SNX30: variants seen among roughly 807,000 people sequenced by gnomAD.
SNX30 encodes the protein sorting nexin-30.
In SNX30, 24 loss-of-function variants were observed where a neutral mutation model predicts 46.4. The ratio of observed to expected loss-of-function variants is 0.52; its 90% CI spans 0.37 to 0.73. The LOEUF (loss-of-function observed/expected upper bound fraction) is 0.73. Among genes scored for constraint, SNX30 ranks in the 30% least tolerant of loss-of-function variants. The pLI is 0.00. For missense variants in SNX30, 533 were observed against 555.7 expected, an observed-to-expected ratio of 0.96 and a Z score of 0.41; for synonymous variants, 189 against 211.5, an observed-to-expected ratio of 0.89 and a Z score of 0.92.
At chr9:112,821,721 C>T (rs547899938) in intron 3 of SNX30, among the ~76,000 whole-genome samples, 2 of 152,000 alleles carry the variant, frequency 1.3e-5, no homozygotes, top group African/African-American at 2.4e-5. Context: ...CTCCTGACCT[C>T]GTGTTCCGCC....
rs1841491863 is a variant in SNX30 at position 112,874,442 on chromosome 9, G to A, written c.*5599G>A. ...AACTTGTATTTTAACTGTTAAAGAAGAGATTAAAAACTTCGGCTTTGGACA... is the reference window on the plus strand; with the variant it reads ...AACTTGTATTTTAACTGTTAAAGAAAAGATTAAAAACTTCGGCTTTGGACA... On this transcript the variant is annotated 3_prime_UTR_variant, in exon 9 of 9. Coordinates refer to ENST00000374232, the MANE Select transcript of SNX30 (RefSeq NM_001012994.2). The A allele has an allele frequency of 1.3e-5, 2 of 152,220 alleles. No individual in the cohort carries two copies. The highest frequency in any genetic ancestry group is 1.3e-4 in the Admixed American group (2 of 15,280). 9.4% of individuals were successfully genotyped at this position (152,220 alleles called of 1,614,324 possible).
At chr9:112,782,176 C>T (rs549453562) in intron 1 of SNX30, among the ~76,000 whole-genome samples, 6 of 152,230 alleles carry the variant, frequency 3.9e-5, no homozygotes, top group Non-Finnish European at 8.8e-5. Context: ...AAGAGATTCT[C>T]CTGCCTCAGC....
chr9:112,849,577 A>G, intron 6 of SNX30, among the ~76,000 whole-genome samples: 1 of 152,370 alleles, frequency 6.6e-6, no homozygotes, highest in East Asian at 1.9e-4. Context: ...CAATTGACGA[A>G]AAATTATTGC....
rs867478626 is a variant in SNX30 at position 112,868,919 on chromosome 9, A to G, written c.*76A>G. The G allele has an allele frequency of 3.5e-6, 5 of 1,409,646 alleles. No individual in the cohort carries two copies. The highest frequency in any genetic ancestry group is 5.0e-6 in the Non-Finnish European group (5 of 994,920). The allele number at this position is 1,409,646 out of a possible 1,614,324, so 87.3% of individuals were successfully genotyped here. A position where few individuals can be genotyped will look rare whatever the true frequency, so the allele number is the denominator to read the frequency against. On this transcript the variant is annotated 3_prime_UTR_variant, in exon 9 of 9. Coordinates refer to ENST00000374232, the MANE Select transcript of SNX30 (RefSeq NM_001012994.2). ...TATACCGGAATGTCCCTGCAGTGCC[A>G]GAGACGCAGTGCTGGGAAAACAACC...
intron 5 of SNX30, among the ~76,000 whole-genome samples, chr9:112,836,812 G>A (rs904405814): frequency 6.6e-6 from 1 of 152,210 alleles, no homozygotes; most frequent in Non-Finnish European, 1.5e-5. Flanking sequence ...GGAGACCTGT[G>A]TTTGCCAAAG....
At chr9:112,865,250 CCA>C (rs1423481223) in intron 8 of SNX30, among the ~76,000 whole-genome samples, 1 of 151,270 alleles carries the variant, frequency 6.6e-6, no homozygotes, top group African/African-American at 2.4e-5. Context: ...CATACACACA[CCA>C]CACACACATA....
chr9:112,881,449 G>C (rs1841576139), exon 6 of SNX30: 1 of 152,322 alleles, frequency 6.6e-6, no homozygotes, highest in African/African-American at 2.4e-5. Context: ...GGAGAGTGAA[G>C]ACTTGGAAGC....
chr9:112,877,524 G>A (rs1841532438), downstream of SNX30: 1 of 152,682 alleles, frequency 6.5e-6, no homozygotes, highest in African/African-American at 2.4e-5. Context: ...AGACTCTTGG[G>A]GTTGGAGGGG....
intron 6 of SNX30, among the ~76,000 whole-genome samples, chr9:112,847,127 CTG>C (rs1203597559): frequency 6.6e-6 from 1 of 152,184 alleles, no homozygotes; most frequent in South Asian, 2.1e-4. Flanking sequence ...CTCTTAATGA[CTG>C]TTATTAATTT....
rs1204974666 is a variant in SNX30, at chr9:112,751,023, G to A, written c.22G>A (p.Ala8Thr). The change falls in exon 1 of 9, where the codon GCC (alanine) becomes ACC (threonine). Residue 8 changes from alanine (A) to threonine (T), a missense_variant. Ala to Thr is a moderately conservative substitution (Grantham distance 58). Around this residue, in one of 3 missense-constraint regions of SNX30, gnomAD observed 191 missense variants for 160.3 expected, o/e 1.19. Transcript: ENST00000374232. Reference protein sequence around the residue: MAGGPPKALPSTGPHSLR... With the variant: MAGGPPKTLPSTGPHSLR... ...CGCCATGGCGGGCGGGCCCCCCAAG[G>A]CCCTGCCGTCCACGGGGCCCCACTC... 1.3e-5 allele frequency: 18 copies of A among 1,423,084 alleles called. No individual in the cohort carries two copies. The highest frequency in any genetic ancestry group is 1.7e-5 in the Non-Finnish European group (18 of 1,087,684). The allele number at this position is 1,423,084 out of a possible 1,614,324, so 88.2% of individuals were successfully genotyped here.
At chr9:112,847,836 A>G (rs187320097) in intron 6 of SNX30, among the ~76,000 whole-genome samples, 5 of 152,322 alleles carry the variant, frequency 3.3e-5, no homozygotes, top group East Asian at 1.9e-4. Context: ...CACCCTATGT[A>G]TGATTTTGCC....
In SNX30 at chr9:112,822,536, G is replaced by GTTTTT. The variant is rs139781990; in HGVS notation, c.459+4725_459+4726insTTTTT. On this transcript the variant is annotated intron_variant, in intron 3 of 8. Coordinates refer to ENST00000374232, the MANE Select transcript of SNX30 (RefSeq NM_001012994.2). ...TTTTCTTTTGTCCCTTTGCTGTTTT[G>GTTTTT]TTTTGTTTTTTTTTTTTGTAAGAAC... Among the ~76,000 whole-genome samples, 397 of 123,652 alleles carry GTTTTT rather than the reference G, an allele frequency of 3.2e-3. 65 individuals carry two copies. Among genetic ancestry groups the GTTTTT allele is most frequent in the Middle Eastern group, 9.4e-3 (2 of 212 alleles). The allele number at this position is 123,652 out of a possible 152,430, so 81.1% of individuals were successfully genotyped here. A position where few individuals can be genotyped will look rare whatever the true frequency, so the allele number is the denominator to read the frequency against.
chr9:112,763,776 G>A (rs1192158372), intron 1 of SNX30, among the ~76,000 whole-genome samples: 1 of 151,700 alleles, frequency 6.6e-6, no homozygotes, highest in African/African-American at 2.4e-5. Flanking sequence ...TTGAACCAGG[G>A]AGTTGGAGAT....
chr9:112,818,742 G>T (rs1840444460), intron 3 of SNX30, among the ~76,000 whole-genome samples: 1 of 152,198 alleles, frequency 6.6e-6, no homozygotes, highest in African/African-American at 2.4e-5. Context: ...GCATCTCCCA[G>T]CCTTTTTCCC....
At chr9:112,772,890 A>G (rs1473790219) in intron 1 of SNX30, among the ~76,000 whole-genome samples, 1 of 152,240 alleles carries the variant, frequency 6.6e-6, no homozygotes, top group Non-Finnish European at 1.5e-5. Flanking sequence ...GGCTACTTGA[A>G]AAGTCTTGCT....
intron 1 of SNX30, among the ~76,000 whole-genome samples, chr9:112,786,865 C>G (rs1839937994): frequency 1.3e-5 from 2 of 152,142 alleles, no homozygotes; most frequent in African/African-American, 4.8e-5. Context: ...TGTGAAACTC[C>G]TTTGAGCCAT....
chr9:112,817,400 G>GTTTTTTTTTTT (rs1256963697), intron 2 of SNX30, among the ~76,000 whole-genome samples: 4 of 34,388 alleles, frequency 1.2e-4, no homozygotes, highest in East Asian at 1.7e-3. Context: ...AAAAAAACTG[G>GTTTTTTTTTTT]CTTTTTTTTT....
chr9:112,757,874 G>T (rs770184687), intron 1 of SNX30, among the ~76,000 whole-genome samples: 2 of 152,026 alleles, frequency 1.3e-5, no homozygotes, highest in African/African-American at 4.8e-5. Context: ...CTACAACCAG[G>T]GTTCTCAGGA....
At chr9:112,756,326 A>G (rs182356005) in intron 1 of SNX30, among the ~76,000 whole-genome samples, 45 of 151,092 alleles carry the variant, frequency 3.0e-4, no homozygotes, top group African/African-American at 1.0e-3. Context: ...ACCCCAACTT[A>G]CTGTCTTCTG....
Sources: allele counts gnomAD v4.1 joint callset (sites outside exome capture counted in the v4.1 genomes callset), GRCh38; gene constraint gnomAD v4.1.1; regional missense constraint gnomAD v4.1.1; transcripts MANE v1.5; gene names NCBI Gene and HGNC (gene_info 2026-07-23, HGNC 2026-07-21).